CD36: variants seen among roughly 807,000 people sequenced by gnomAD.
CD36 encodes platelet glycoprotein 4.
CD36 carries 119 observed loss-of-function variants against 55.2 expected under a neutral mutation model. The observed-to-expected ratio is 2.15, with a 90% CI of 1.86 to 2.51. CD36 has a LOEUF of 2.51. Ranked by LOEUF, CD36 falls within the 30% of genes most tolerant of loss-of-function variation. CD36 has a pLI of 0.00. For missense variants in CD36, 819 were observed against 555.5 expected, an observed-to-expected ratio of 1.47 and a Z score of -4.77; for synonymous variants, 186 against 193.6, an observed-to-expected ratio of 0.96 and a Z score of 0.33.
intron 4 of CD36, 58 bp downstream of exon 4, chr7:80,656,758 G>T: frequency 6.8e-7 from 1 of 1,469,916 alleles, no homozygotes; most frequent in Non-Finnish European, 9.5e-7. Flanking sequence ...TTTCTGAGAA[G>T]TCTTCTACTT....
At chr7:80,673,295 AGTTT>A in intron 12 of CD36, 56 bp from the exon 13 acceptor site, 1 of 764,396 alleles carries the variant, frequency 1.3e-6, no homozygotes, top group African/African-American at 1.8e-5. Flanking sequence ...TTTATTTTAA[AGTTT>A]GTTATATATA....
chr7:80,649,777 A>G (rs1795458496), intron 3 of CD36, among the ~76,000 whole-genome samples: 1 of 152,094 alleles, frequency 6.6e-6, no homozygotes. Flanking sequence ...AGGAAAAAGC[A>G]GAAGAATTAT....
intron 8 of CD36, among the ~76,000 whole-genome samples, chr7:80,667,343 T>A (rs143603914): frequency 6.3e-4 from 93 of 148,598 alleles, no homozygotes; most frequent in African/African-American, 2.2e-3. Flanking sequence ...GGCAGGAGGA[T>A]CACTTGATTC....
At chr7:80,670,250 A>C in intron 9 of CD36, 2 of 525,402 alleles carry the variant, frequency 3.8e-6, no homozygotes, top group South Asian at 2.1e-5. Context: ...CTAGTAGTCT[A>C]TTAACGATCA....
chr7:80,630,953 C>A (rs1399105251), intron 1 of CD36, among the ~76,000 whole-genome samples: 1 of 151,966 alleles, frequency 6.6e-6, no homozygotes, highest in East Asian at 1.9e-4. Flanking sequence ...GATTTATTAT[C>A]TTCACCCATG....
chr7:80,644,679 C>T (rs552909563), intron 1 of CD36, among the ~76,000 whole-genome samples: 1 of 152,096 alleles, frequency 6.6e-6, no homozygotes, highest in Admixed American at 6.6e-5. Flanking sequence ...ACCTCTGTTG[C>T]AAGACAGCTG....
At chr7:80,624,393 A>G (rs2115949632) in intron 1 of CD36, among the ~76,000 whole-genome samples, 1 of 152,256 alleles carries the variant, frequency 6.6e-6, no homozygotes, top group East Asian at 1.9e-4. Context: ...AGCCTGTTTC[A>G]AACTTTTAAA....
chr7:80,608,048 G>A (rs60854150), intron 1 of CD36, among the ~76,000 whole-genome samples: 17,918 of 152,054 alleles, frequency 0.12, 1,472 homozygotes, highest in East Asian at 0.34. Context: ...GGGATTACAG[G>A]CGTGAGCCAT....
chr7:80,612,703 T>C (rs1008119344), intron 1 of CD36, among the ~76,000 whole-genome samples: 4 of 152,164 alleles, frequency 2.6e-5, no homozygotes, highest in African/African-American at 9.6e-5. Context: ...TATACTTTCT[T>C]TTGTTGTTTT....
intron 1 of CD36, among the ~76,000 whole-genome samples, chr7:80,617,672 A>C (rs917023151): frequency 1.3e-5 from 2 of 150,416 alleles, no homozygotes; most frequent in Non-Finnish European, 2.9e-5. Context: ...GCTTGCAGTG[A>C]GCTGAGATTG....
intron 1 of CD36, among the ~76,000 whole-genome samples, chr7:80,639,060 G>C (rs1281179129): frequency 6.6e-6 from 1 of 151,798 alleles, no homozygotes; most frequent in Admixed American, 6.6e-5. Flanking sequence ...TTTATACTTA[G>C]GCTATTTATA....
At chr7:80,665,685 A>G (rs1797013773) in intron 7 of CD36, among the ~76,000 whole-genome samples, 1 of 152,092 alleles carries the variant, frequency 6.6e-6, no homozygotes, top group African/African-American at 2.4e-5. Context: ...TAAGATTGTA[A>G]GGTTGATTTA....
Position 80,646,788 on chromosome 7 carries a change from T to C in CD36, c.48T>C (p.Gly16=). 1.2e-6 allele frequency: 2 copies of C among 1,614,032 alleles called. No homozygotes were observed. The highest frequency in any genetic ancestry group is 1.7e-6 in the Non-Finnish European group (2 of 1,179,944). ...NCGLIAGAVI[G]AVLAVFGGIL... is the part of the protein sequence containing the mutation. ...GGCTCATCGCTGGGGCTGTCATTGGTGCTGTCCTGGCTGTGTTTGGAGGTA... is the reference window on the plus strand; with the variant it reads ...GGCTCATCGCTGGGGCTGTCATTGGCGCTGTCCTGGCTGTGTTTGGAGGTA... Residue 16 remains glycine, a synonymous_variant, in exon 3 of 15, where the codon GGT becomes GGC. Coordinates refer to ENST00000447544, the MANE Select transcript of CD36 (RefSeq NM_001001548.3).
chr7:80,659,543 G>A (rs1220803445), intron 4 of CD36, among the ~76,000 whole-genome samples: 2 of 152,048 alleles, frequency 1.3e-5, no homozygotes, highest in African/African-American at 4.8e-5. Flanking sequence ...AAACAAACAC[G>A]TTCCAAAACT....
intron 14 of CD36, among the ~76,000 whole-genome samples, chr7:80,675,498 G>A (rs1170827367): frequency 6.6e-6 from 1 of 152,012 alleles, no homozygotes; most frequent in Non-Finnish European, 1.5e-5. Context: ...TCTATTTATA[G>A]CTAAATTATA....
chr7:80,607,917 C>G (rs1463318290), intron 1 of CD36, among the ~76,000 whole-genome samples: 2 of 152,032 alleles, frequency 1.3e-5, no homozygotes, highest in African/African-American at 4.8e-5. Context: ...ACTACAGGTG[C>G]CTGCTGCCTC....
At chr7:80,671,806 T>C (rs1180881768) in intron 10 of CD36, 116 bp from the exon 11 acceptor site, 12 of 895,240 alleles carry the variant, frequency 1.3e-5, no homozygotes, top group Non-Finnish European at 2.0e-5. Context: ...CCACCCATGT[T>C]AAAAACCATG....
intron 8 of CD36, among the ~76,000 whole-genome samples, chr7:80,667,823 C>T (rs1797269585): frequency 7.3e-6 from 1 of 136,508 alleles, no homozygotes; most frequent in African/African-American, 2.8e-5. Flanking sequence ...GATCTCGGCT[C>T]ACTGCAACCT....
chr7:80,654,291 G>C (rs887063008), intron 3 of CD36, among the ~76,000 whole-genome samples: 4 of 152,132 alleles, frequency 2.6e-5, no homozygotes, highest in Admixed American at 2.0e-4. Context: ...TTCATTAAGA[G>C]ATATTAGGTC....
Sources: allele counts gnomAD v4.1 joint callset (sites outside exome capture counted in the v4.1 genomes callset), GRCh38; gene constraint gnomAD v4.1.1; transcripts MANE v1.5; gene names NCBI Gene and HGNC (gene_info 2026-07-23, HGNC 2026-07-21).